NUDCD3: variants seen among roughly 807,000 people sequenced by gnomAD.
The protein encoded by NUDCD3 is nudC domain-containing protein 3.
Under a neutral mutation model 39.7 loss-of-function variants are expected in NUDCD3, and 13 were observed. The observed-to-expected ratio is 0.33, with a 90% confidence interval of 0.21 to 0.52. NUDCD3 has a LOEUF of 0.52. NUDCD3 is among the 20% of genes least tolerant of loss of function. NUDCD3 has a pLI of 0.96. For missense variants in NUDCD3, 453 were observed against 458.1 expected, an observed-to-expected ratio of 0.99 and a Z score of 0.10; for synonymous variants, 175 against 172.4, an observed-to-expected ratio of 1.02 and a Z score of -0.12.
At chr7:44,430,991 A>G (rs1799353521) in intron 2 of NUDCD3, among the ~76,000 whole-genome samples, 1 of 152,260 alleles carries the variant, frequency 6.6e-6, no homozygotes, top group Non-Finnish European at 1.5e-5. Context: ...TGGAACCTGC[A>G]GATTCCCTCC....
chr7:44,464,912 T>G (rs948220542), intron 2 of NUDCD3, among the ~76,000 whole-genome samples: 7 of 152,142 alleles, frequency 4.6e-5, no homozygotes, highest in African/African-American at 1.4e-4. Context: ...CTAAATTCCC[T>G]CCTCTTACAG....
chr7:44,419,760 G>A (rs1383722665), intron 3 of NUDCD3, among the ~76,000 whole-genome samples: 1 of 151,892 alleles, frequency 6.6e-6, no homozygotes, highest in African/African-American at 2.4e-5. Flanking sequence ...AGAGGGGCCT[G>A]TTAGAAGAAA....
At chr7:44,419,391 G>A (rs1222989230) in intron 3 of NUDCD3, among the ~76,000 whole-genome samples, 2 of 152,150 alleles carry the variant, frequency 1.3e-5, no homozygotes, top group Admixed American at 6.5e-5. Flanking sequence ...GAGAAGGGAC[G>A]GCTGTGGGCG....
At chr7:44,478,205 T>C (rs1037834222) in intron 2 of NUDCD3, among the ~76,000 whole-genome samples, 6 of 152,190 alleles carry the variant, frequency 3.9e-5, no homozygotes, top group Non-Finnish European at 5.9e-5. Flanking sequence ...CTTGTGCAAA[T>C]AGGGAAATAT....
chr7:44,485,275 T>C lies in NUDCD3; in HGVS notation c.202A>G (p.Thr68Ala). ...AQALVLQVFK[T>A]FDHMARQDDE... is the part of the protein sequence containing the mutation. ...TCCTGACGGGCCATGTGGTCAAAGGTTTTGAATACCTAAAATCAAACACCA... is the reference window on the plus strand; with the variant it reads ...TCCTGACGGGCCATGTGGTCAAAGGCTTTGAATACCTAAAATCAAACACCA... Residue 68 changes from threonine (T) to alanine (A), a missense_variant, in exon 2 of 6, where the codon ACC becomes GCC. Thr to Ala is a moderately conservative substitution (Grantham distance 58, BLOSUM62 0). Coordinates refer to ENST00000355451, the MANE Select transcript of NUDCD3 (RefSeq NM_015332.4). 6.2e-7 allele frequency: 1 copy of C among 1,608,626 alleles called. No homozygotes were observed. The highest frequency in any genetic ancestry group is 8.5e-7 in the Non-Finnish European group (1 of 1,176,642).
intron 2 of NUDCD3, chr7:44,467,824 A>T: frequency 8.8e-7 from 1 of 1,138,910 alleles, no homozygotes; most frequent in Non-Finnish European, 1.3e-6. Context: ...CAGTAAAAAA[A>T]AAAAAAAGAA....
chr7:44,413,299 T>G (rs1260429759), intron 3 of NUDCD3: 2 of 152,006 alleles, frequency 1.3e-5, no homozygotes, highest in African/African-American at 4.8e-5. Flanking sequence ...AAAAAAAAAT[T>G]TTTAATTAAT....
chr7:44,430,394 T>C lies in NUDCD3; in HGVS notation c.510-2691A>G, dbSNP rs74880410. 5.1e-3 allele frequency among the ~76,000 whole-genome samples: 779 copies of C among 152,198 alleles called. 5 individuals carry two copies. Among genetic ancestry groups the C allele is most frequent in the African/African-American group, 0.018 (742 of 41,532 alleles). ...GCAGCTTTAAGACTCATATCTGACA[T>C]AAATATGCTTAAACATGCAGAGAAT... On this transcript the variant is annotated intron_variant, in intron 2 of 5. Coordinates refer to ENST00000355451, the MANE Select transcript of NUDCD3 (RefSeq NM_015332.4).
chr7:44,427,715 T>G lies in NUDCD3; in HGVS notation c.510-12A>C, dbSNP rs1349621510. 1 of 1,613,102 alleles carries G rather than the reference T, an allele frequency of 6.2e-7. No individual in the cohort carries two copies. The highest frequency in any genetic ancestry group is 1.3e-5 in the African/African-American group (1 of 74,948). On this transcript the variant is annotated splice_polypyrimidine_tract_variant and intron_variant, in intron 2 of 5. Transcript: ENST00000355451. ...ACTGCTCCTGAATCCTGAGAAAGAA[T>G]AAAAAATGTGATCCCAGTCAGCCAT...
intron 2 of NUDCD3, among the ~76,000 whole-genome samples, chr7:44,442,693 C>CTTT (rs869244799): frequency 1.4e-4 from 18 of 124,352 alleles, no homozygotes; most frequent in South Asian, 2.7e-4. Context: ...CTCCCCTTTT[C>CTTT]TTTTTTTTTT....
intron 2 of NUDCD3, among the ~76,000 whole-genome samples, chr7:44,455,533 A>C (rs1736980781): frequency 6.6e-6 from 1 of 152,102 alleles, no homozygotes; most frequent in Non-Finnish European, 1.5e-5. Flanking sequence ...CCAATCCTTC[A>C]GGCATGTGTG....
Position 44,392,397 on chromosome 7 carries a change from C to T in NUDCD3, c.875G>A (p.Arg292His), listed in dbSNP as rs1218266712. 6.8e-6 allele frequency: 11 copies of T among 1,614,126 alleles called. No individual in the cohort carries two copies. Among genetic ancestry groups the T allele is most frequent in the Non-Finnish European group, 9.3e-6 (11 of 1,180,000 alleles). Residue 292 changes from arginine (R) to histidine (H), a missense_variant, in exon 5 of 6, where the codon CGC becomes CAC. Arg to His is a conservative substitution (Grantham distance 29). Coordinates refer to ENST00000355451, the MANE Select transcript of NUDCD3 (RefSeq NM_015332.4). ...CTCCTCATCCACGGTGGCCATGGAG[C>T]GCTCCTTGTTGATCTTGTCAATGTC... ...PIDIDKINKERSMATVDEEEQ... is the reference protein window; with the variant it reads ...PIDIDKINKEHSMATVDEEEQ...
intron 2 of NUDCD3, among the ~76,000 whole-genome samples, chr7:44,433,659 C>T (rs1799412052): frequency 1.3e-5 from 2 of 152,144 alleles, no homozygotes; most frequent in South Asian, 4.1e-4. Context: ...ACATGGCTCA[C>T]TCCCTCCCTT....
At chr7:44,391,150 A>G (rs75127233) in intron 5 of NUDCD3, among the ~76,000 whole-genome samples, 2,542 of 152,260 alleles carry the variant, frequency 0.017, 57 homozygotes, top group African/African-American at 0.057. Flanking sequence ...GTGGGGGGAA[A>G]AAAACAAAAA....
At chr7:44,476,679 AG>A (rs970139922) in intron 2 of NUDCD3, among the ~76,000 whole-genome samples, 14 of 152,194 alleles carry the variant, frequency 9.2e-5, no homozygotes, top group African/African-American at 3.1e-4. Context: ...GCAAAACCAA[AG>A]AAGAGGTACT....
chr7:44,411,007 G>A (rs1215932097), intron 3 of NUDCD3, among the ~76,000 whole-genome samples: 1 of 152,078 alleles, frequency 6.6e-6, no homozygotes, highest in Non-Finnish European at 1.5e-5. Context: ...ATGATCAATT[G>A]ATTTTAGACA....
At chr7:44,422,835 C>G (rs973628575) in intron 3 of NUDCD3, among the ~76,000 whole-genome samples, 2 of 152,034 alleles carry the variant, frequency 1.3e-5, no homozygotes, top group African/African-American at 4.8e-5. Context: ...GGCAGAGACA[C>G]AACAAAAAAA....
chr7:44,472,755 C>T (rs76230688), intron 2 of NUDCD3, among the ~76,000 whole-genome samples: 139 of 152,172 alleles, frequency 9.1e-4, no homozygotes, highest in African/African-American at 3.1e-3. Flanking sequence ...CAAAAGTGAA[C>T]GACATTTCAA....
At chr7:44,479,446 A>G (rs1800444158) in intron 2 of NUDCD3, among the ~76,000 whole-genome samples, 1 of 152,242 alleles carries the variant, frequency 6.6e-6, no homozygotes, top group Admixed American at 6.5e-5. Context: ...GTTCAGCCTG[A>G]AAAACACAGC....
Sources: gnomAD v4.1 joint callset for allele counts (sites outside exome capture counted in the v4.1 genomes callset) on GRCh38, gnomAD v4.1.1 for gene constraint, MANE v1.5 for transcripts, NCBI Gene and HGNC (gene_info 2026-07-23, HGNC 2026-07-21) for gene names.